THRA: variants seen among roughly 807,000 people sequenced by gnomAD.
The protein encoded by THRA is thyroid hormone receptor alpha, also known as EAR-7.
Under a neutral mutation model 45.0 loss-of-function variants are expected in THRA, and 13 were observed. The ratio of observed to expected loss-of-function variants is 0.29; its 90% confidence interval spans 0.19 to 0.46. The LOEUF is 0.46. Among genes scored for constraint, THRA ranks in the 20% least tolerant of loss-of-function variants. THRA has a pLI of 1.00. For missense variants in THRA, 278 were observed against 556.1 expected (o/e 0.50, Z 5.03); for synonymous variants, 195 against 214.0 (o/e 0.91, Z 0.78).
intron 4 of THRA, among the ~76,000 whole-genome samples, chr17:40,083,260 G>A (rs980320019): frequency 4.7e-5 from 7 of 150,444 alleles, no homozygotes; most frequent in African/African-American, 1.7e-4. Flanking sequence ...GTAGAGACAG[G>A]GTTTCACCAT....
chr17:40,074,440 C>T lies in THRA; in HGVS notation c.-49C>T, dbSNP rs1986881540. 1 of 1,611,330 alleles carries T rather than the reference C, an allele frequency of 6.2e-7. No individual in the cohort carries two copies. The highest frequency in any genetic ancestry group is 8.5e-7 in the Non-Finnish European group (1 of 1,177,918). On this transcript the variant is annotated 5_prime_UTR_variant, in exon 2 of 9. Coordinates refer to ENST00000450525, the MANE Select transcript of THRA (RefSeq NM_199334.5). ...TGTGCCGGGGGGGCCAGTGTGCCCA[C>T]CCCAGTCTCTTGGCGTGCTGGAGGG...
In THRA at chr17:40,092,892, G is replaced by A; in HGVS notation, c.*3436G>A. 1.5e-6 allele frequency: 2 copies of A among 1,353,810 alleles called. No individual in the cohort carries two copies. Among genetic ancestry groups the A allele is most frequent in the South Asian group, 3.0e-5 (2 of 66,672 alleles). 83.9% of individuals were successfully genotyped at this position (1,353,810 alleles called of 1,614,324 possible). A position where few individuals can be genotyped will look rare whatever the true frequency, so the allele number is the denominator to read the frequency against. ...GAGTGGTTTAAATAGGGGAGGAGGG[G>A]AAGTTCGGTGATGGGGGAGGGAGGC... On this transcript the variant is annotated 3_prime_UTR_variant, in exon 9 of 9. Transcript: ENST00000450525.
intron 1 of THRA, among the ~76,000 whole-genome samples, chr17:40,070,590 T>C (rs778049767): frequency 6.6e-6 from 1 of 152,172 alleles, no homozygotes; most frequent in African/African-American, 2.4e-5. Flanking sequence ...CATTTATGTG[T>C]CTGGGCCACG....
intron 1 of THRA, among the ~76,000 whole-genome samples, chr17:40,065,287 G>A (rs1018312796): frequency 6.6e-6 from 1 of 152,068 alleles, no homozygotes; most frequent in Admixed American, 6.6e-5. Flanking sequence ...GGAACAGTCA[G>A]TCACTTCCAG....
chr17:40,070,660 A>T (rs1379428412), intron 1 of THRA, among the ~76,000 whole-genome samples: 2 of 151,956 alleles, frequency 1.3e-5, no homozygotes, highest in Non-Finnish European at 1.5e-5. Context: ...AGGCTGGGTG[A>T]TCAGGAGTGG....
chr17:40,086,255 C>T (rs1443094217), intron 6 of THRA, among the ~76,000 whole-genome samples: 1 of 152,168 alleles, frequency 6.6e-6, no homozygotes, highest in Non-Finnish European at 1.5e-5. Flanking sequence ...TGATTCCAAG[C>T]AGATGTGTAA....
At chr17:40,093,149 C>T (rs780833477), downstream of THRA, 34 of 1,613,898 alleles carry the variant, frequency 2.1e-5, no homozygotes, top group African/African-American at 5.3e-5. The surrounding 1 kb of genome is among the most constrained non-coding windows in gnomAD (Gnocchi z 5.9). Context: ...TCCGCAGGTC[C>T]GGCAGCTTGA....
chr17:40,086,628 T>A, intron 6 of THRA, 79 bp from the exon 7 acceptor site: 1 of 1,549,342 alleles, frequency 6.5e-7, no homozygotes, highest in Non-Finnish European at 8.7e-7. Flanking sequence ...GCCTTGGAGC[T>A]CCCCCTGGTG....
intron 4 of THRA, among the ~76,000 whole-genome samples, chr17:40,082,341 A>T (rs554788520): frequency 1.3e-5 from 2 of 150,728 alleles, no homozygotes; most frequent in Admixed American, 6.6e-5. Flanking sequence ...CAGCCTCCCA[A>T]GTAGCTGGGA....
chr17:40,093,528 C>T (rs548502653), downstream of THRA: 144 of 1,277,516 alleles, frequency 1.1e-4, no homozygotes, highest in Non-Finnish European at 1.4e-4. This position sits in a 1 kb window ranked among gnomAD's most constrained non-coding sequence, Gnocchi z 5.9. Context: ...ACCTTCCCTT[C>T]CTCAGCAGGC....
Position 40,092,912 on chromosome 17 carries a change from G to A in THRA, c.*3456G>A. 1 of 1,458,732 alleles carries A rather than the reference G, an allele frequency of 6.9e-7. No homozygotes were observed. 90.4% of individuals were successfully genotyped at this position (1,458,732 alleles called of 1,614,324 possible). A position where few individuals can be genotyped will look rare whatever the true frequency, so the allele number is the denominator to read the frequency against. On this transcript the variant is annotated 3_prime_UTR_variant, in exon 9 of 9. Transcript: ENST00000450525. ...GAGGGGAAGTTCGGTGATGGGGGAG[G>A]GAGGCAGGTATTTACAAGAAGGCTC... is the stretch of plus-strand genomic sequence containing the variant.
At position 40,092,883 on chromosome 17, in the gene THRA, G is replaced by T; in HGVS notation, c.*3427G>T. The T allele has an allele frequency of 1.6e-6, 2 of 1,276,632 alleles. No individual in the cohort carries two copies. The highest frequency in any genetic ancestry group is 2.7e-5 in the Admixed American group (1 of 37,532). The allele number at this position is 1,276,632 out of a possible 1,614,324, so 79.1% of individuals were successfully genotyped here. A position where few individuals can be genotyped will look rare whatever the true frequency, so the allele number is the denominator to read the frequency against. On this transcript the variant is annotated 3_prime_UTR_variant, in exon 9 of 9. Coordinates refer to ENST00000450525, the MANE Select transcript of THRA (RefSeq NM_199334.5). ...GGGGAGACAGAGTGGTTTAAATAGG[G>T]GAGGAGGGGAAGTTCGGTGATGGGG...
At chr17:40,093,531 C>T, downstream of THRA, 1 of 1,276,760 alleles carries the variant, frequency 7.8e-7, no homozygotes. This position sits in a 1 kb window ranked among gnomAD's most constrained non-coding sequence, Gnocchi z 5.9. Flanking sequence ...TTCCCTTCCT[C>T]AGCAGGCCAA....
intron 5 of THRA, 75 bp downstream of exon 5, chr17:40,084,057 C>T (rs984167580): frequency 5.1e-5 from 77 of 1,501,072 alleles, no homozygotes; most frequent in Non-Finnish European, 6.5e-5. Flanking sequence ...CAGCTTCCTT[C>T]CAGGGTACCC....
chr17:40,063,990 G>C (rs1237589294), intron 1 of THRA, among the ~76,000 whole-genome samples: 1 of 151,760 alleles, frequency 6.6e-6, no homozygotes, highest in Admixed American at 6.6e-5. Context: ...GCTCCAGGAG[G>C]GGGAGGGGAT....
intron 1 of THRA, among the ~76,000 whole-genome samples, chr17:40,072,394 G>A (rs1480422262): frequency 6.6e-6 from 1 of 152,148 alleles, no homozygotes. Flanking sequence ...TCCTGTGCTT[G>A]CCTCCTCCCC....
At chr17:40,080,691 G>T (rs1987105671) in intron 4 of THRA, among the ~76,000 whole-genome samples, 1 of 142,178 alleles carries the variant, frequency 7.0e-6, no homozygotes, top group Non-Finnish European at 1.5e-5. Context: ...CCAGGAATCT[G>T]TATCTTTGGT....
intron 6 of THRA, among the ~76,000 whole-genome samples, 194 bp from the exon 7 acceptor site, chr17:40,086,513 T>C (rs1388059571): frequency 6.6e-6 from 1 of 152,212 alleles, no homozygotes; most frequent in Admixed American, 6.5e-5. Flanking sequence ...ACCGTTGTTA[T>C]TATTAGCTGA....
Position 40,074,314 on chromosome 17 carries a change from C to A in THRA, c.-175C>A. 1 of 689,524 alleles carries A rather than the reference C, an allele frequency of 1.5e-6. No homozygotes were observed. Among genetic ancestry groups the A allele is most frequent in the Non-Finnish European group, 2.5e-6 (1 of 405,878 alleles). 42.7% of individuals were successfully genotyped at this position (689,524 alleles called of 1,614,324 possible). A position where few individuals can be genotyped will look rare whatever the true frequency, so the allele number is the denominator to read the frequency against. On this transcript the variant is annotated 5_prime_UTR_variant, in exon 2 of 9. Transcript: ENST00000450525. The stretch of plus-strand genomic sequence containing the variant: ...CCTGGCCCCTCCCACCGCCCGCCCC[C>A]CTTGGGGCGCAGGGCATGGTGTGAA...
Sources: allele counts gnomAD v4.1 joint callset (sites outside exome capture counted in the v4.1 genomes callset), GRCh38; gene constraint gnomAD v4.1.1; non-coding constraint Gnocchi (gnomAD v3.1); transcripts MANE v1.5; gene names NCBI Gene and HGNC (gene_info 2026-07-23, HGNC 2026-07-21).